Variants in ELFN1 observed in about 807,000 individuals in gnomAD.
ELFN1 encodes the protein protein ELFN1.
A neutral mutation model predicts 7.6 loss-of-function variants in ELFN1; 6 were observed. The observed-to-expected ratio is 0.79, with a 90% CI of 0.43 to 1.56. The LOEUF (loss-of-function observed/expected upper bound fraction) is 1.56. Ranked by LOEUF, ELFN1 falls within the 40% of genes most tolerant of loss-of-function variation. ELFN1 has a pLI of 0.01. For missense variants in ELFN1, 1,169 were observed against 1,232.2 expected (o/e 0.95, Z 0.77); for synonymous variants, 657 against 588.1 (o/e 1.12, Z -1.70).
intron 3 of ELFN1, among the ~76,000 whole-genome samples, chr7:1,719,367 A>C: frequency 7.0e-6 from 1 of 141,964 alleles, no homozygotes; most frequent in East Asian, 2.1e-4. Flanking sequence ...GCCCACCAAC[A>C]GGACCCAAGC....
In ELFN1 at chr7:1,744,118, GA is replaced by G. The variant is rs146540876; in HGVS notation, c.-293-185del. On this transcript the variant is annotated intron_variant, in intron 3 of 3. Transcript: ENST00000424383. ...CCTCCGCTATCCTGACCTGTCTCAGGACCCCCCAGGGGCTTCTGAGGAAGGA... is the reference window on the plus strand; with the variant it reads ...CCTCCGCTATCCTGACCTGTCTCAGGCCCCCCAGGGGCTTCTGAGGAAGGA... 2.6e-3 allele frequency among the ~76,000 whole-genome samples: 403 copies of G among 152,280 alleles called. 4 individuals are homozygous for G. Among genetic ancestry groups the G allele is most frequent in the African/African-American group, 9.3e-3 (387 of 41,564 alleles).
chr7:1,677,577 C>G lies in ELFN1; in HGVS notation c.-549+7223C>G, dbSNP rs140437354. ...GTGTCTGAATATGGGAGTGTGCACACACGTGCATGAACTCACGTGTGTGTA... is the reference window on the plus strand; with the variant it reads ...GTGTCTGAATATGGGAGTGTGCACAGACGTGCATGAACTCACGTGTGTGTA... On this transcript the variant is annotated intron_variant, in intron 1 of 3. Coordinates refer to ENST00000424383, the MANE Select transcript of ELFN1 (RefSeq NM_001128636.4). Among the ~76,000 whole-genome samples the G allele has an allele frequency of 3.3e-3, 497 of 152,198 alleles. 3 individuals carry two copies. Among genetic ancestry groups the G allele is most frequent in the African/African-American group, 0.011 (459 of 41,506 alleles).
chr7:1,718,825 G>A (rs115838016), intron 3 of ELFN1, among the ~76,000 whole-genome samples: 3,434 of 152,242 alleles, frequency 0.023, 139 homozygotes, highest in African/African-American at 0.079. Context: ...ATTGGTTTGT[G>A]GACCTCAGCT....
At chr7:1,698,351 T>G (rs1395586318) in intron 2 of ELFN1, among the ~76,000 whole-genome samples, 3 of 152,254 alleles carry the variant, frequency 2.0e-5, no homozygotes, top group East Asian at 1.9e-4. Context: ...CGTTGCACCC[T>G]CGGTGCTCCC....
chr7:1,729,677 G>C (rs1037125680), intron 3 of ELFN1, among the ~76,000 whole-genome samples: 1 of 152,172 alleles, frequency 6.6e-6, no homozygotes, highest in Non-Finnish European at 1.5e-5. Context: ...TCAGCAGGGG[G>C]TGTCAAGGTC....
intron 2 of ELFN1, among the ~76,000 whole-genome samples, chr7:1,707,461 C>T (rs749566412): frequency 6.6e-6 from 1 of 152,354 alleles, no homozygotes; most frequent in Admixed American, 6.5e-5. Context: ...AGCATCTGCC[C>T]TCCCAGCGCG....
intron 1 of ELFN1, among the ~76,000 whole-genome samples, chr7:1,685,249 C>G (rs1008689629): frequency 6.6e-4 from 100 of 152,122 alleles, no homozygotes; most frequent in Admixed American, 5.6e-3. Context: ...CTTTATTTGT[C>G]TTTCAACAGT....
In ELFN1 at chr7:1,745,520, G is replaced by A. The variant is rs746104771; in HGVS notation, c.924G>A (p.Thr308=). Residue 308 remains threonine (T), a synonymous_variant, in exon 4 of 4, where the codon ACG becomes ACA. Coordinates refer to ENST00000424383, the MANE Select transcript of ELFN1 (RefSeq NM_001128636.4). ...CCACGCCACTGGTGGCCCTGCCCAC[G>A]CTGGCCACGCAGGCCGAGGCCCGCC... ...DGTTPLVALP[T]LATQAEARPL... is the part of the protein sequence containing the mutation. 34 of 1,546,116 alleles carry A rather than the reference G, an allele frequency of 2.2e-5. No individual in the cohort carries two copies. The East Asian group carries it at 5.9e-4, about 27-fold the overall frequency.
Position 1,705,858 on chromosome 7 carries a change from G to T in ELFN1, c.-455-3233G>T, listed in dbSNP as rs1036044280. ...AACTGCCTGTGTATTTTCCAGGGTG[G>T]GTTCTTAGCTTTGACCCCTCCAGCC... On this transcript the variant is annotated intron_variant, in intron 2 of 3. Transcript: ENST00000424383. This position sits in a 1 kb window ranked among gnomAD's most constrained non-coding sequence, Gnocchi z 4.3. Among the ~76,000 whole-genome samples the T allele has an allele frequency of 6.6e-6, 1 of 152,176 alleles. No individual in the cohort carries two copies. The highest frequency in any genetic ancestry group is 1.5e-5 in the Non-Finnish European group (1 of 68,042).
chr7:1,713,960 C>T (rs568783885), intron 3 of ELFN1, among the ~76,000 whole-genome samples: 29 of 152,154 alleles, frequency 1.9e-4, no homozygotes, highest in Admixed American at 4.6e-4. Context: ...CATGTTGAGC[C>T]GCCGTCCAGA....
Position 1,744,096 on chromosome 7 carries a change from C to A in ELFN1, c.-293-208C>A, listed in dbSNP as rs140197393. 2.5e-3 allele frequency among the ~76,000 whole-genome samples: 385 copies of A among 152,306 alleles called. 1 individual carries two copies. The highest frequency in any genetic ancestry group is 4.6e-3 in the Non-Finnish European group (316 of 68,022). On this transcript the variant is annotated intron_variant, in intron 3 of 3. Transcript: ENST00000424383. Reference sequence around the variant, plus strand: ...TCCACGGGAGGGTGAAGCATTTCCTCCGCTATCCTGACCTGTCTCAGGACC... The same window carrying A: ...TCCACGGGAGGGTGAAGCATTTCCTACGCTATCCTGACCTGTCTCAGGACC...
intron 1 of ELFN1, among the ~76,000 whole-genome samples, chr7:1,671,679 A>G (rs1008159913): frequency 5.3e-5 from 8 of 152,244 alleles, no homozygotes; most frequent in Admixed American, 5.2e-4. Flanking sequence ...AAAAGCATCA[A>G]CATGCTCCTC....
upstream of ELFN1, among the ~76,000 whole-genome samples, chr7:1,669,937 C>T (rs922113189): frequency 6.1e-5 from 9 of 147,062 alleles, no homozygotes; most frequent in Admixed American, 5.5e-4. Context: ...CGCGAGGACG[C>T]CCCCTGCGCT....
At chr7:1,718,340 C>A (rs187831984) in intron 3 of ELFN1, among the ~76,000 whole-genome samples, 1 of 152,344 alleles carries the variant, frequency 6.6e-6, no homozygotes, top group East Asian at 1.9e-4. Context: ...CTTGGCCACT[C>A]ATTCCTCTGG....
At position 1,744,953 on chromosome 7, in the gene ELFN1, G is replaced by T. The variant is rs2128605810; in HGVS notation, c.357G>T (p.Arg119=). The stretch of plus-strand genomic sequence containing the variant: ...AGGTGCTGCAGCTGGGCTACAACCG[G>T]CTGCGCAACCTCACGGAGGGCATGC... ...NLQVLQLGYN[R]LRNLTEGMLR... Residue 119 remains arginine (R), a synonymous_variant, in exon 4 of 4, where the codon CGG becomes CGT. Coordinates refer to ENST00000424383, the MANE Select transcript of ELFN1 (RefSeq NM_001128636.4). 1 of 1,551,516 alleles carries T rather than the reference G, an allele frequency of 6.4e-7. No homozygotes were observed. The highest frequency in any genetic ancestry group is 8.7e-7 in the Non-Finnish European group (1 of 1,147,088).
chr7:1,731,160 G>T (rs1780317945), intron 3 of ELFN1, among the ~76,000 whole-genome samples: 1 of 152,142 alleles, frequency 6.6e-6, no homozygotes, highest in African/African-American at 2.4e-5. Flanking sequence ...TATCCTGAGA[G>T]ATATCAAAGA....
intron 3 of ELFN1, among the ~76,000 whole-genome samples, chr7:1,725,602 G>A (rs776383066): frequency 2.6e-5 from 4 of 152,198 alleles, no homozygotes; most frequent in Non-Finnish European, 4.4e-5. Context: ...CAGTGTTGTC[G>A]GCTTCACCGA....
chr7:1,695,747 C>CAA lies in ELFN1; in HGVS notation c.-456+7621_-456+7622dup, dbSNP rs34132549. On this transcript the variant is annotated intron_variant, in intron 2 of 3. Transcript: ENST00000424383. The surrounding 1 kb of genome is among the most constrained non-coding windows in gnomAD (Gnocchi z 5.1). ...TGGGTGACAGAGCGAGACTCCGTGTCAAAAAAAAAAAAAAAAAAAAAAAAA... is the reference window on the plus strand; with the variant it reads ...TGGGTGACAGAGCGAGACTCCGTGTCAAAAAAAAAAAAAAAAAAAAAAAAAAA... 0.047 allele frequency among the ~76,000 whole-genome samples: 2,749 copies of CAA among 58,178 alleles called. 210 individuals are homozygous for CAA. The highest frequency in any genetic ancestry group is 0.12 in the African/African-American group (1,729 of 14,834). The allele number at this position is 58,178 out of a possible 152,430, so 38.2% of individuals were successfully genotyped here. A position where few individuals can be genotyped will look rare whatever the true frequency, so the allele number is the denominator to read the frequency against.
intron 3 of ELFN1, among the ~76,000 whole-genome samples, chr7:1,719,154 G>A (rs1779928299): frequency 1.5e-5 from 2 of 134,020 alleles, no homozygotes; most frequent in South Asian, 2.4e-4. Context: ...CACCAACAGG[G>A]CCCCGCCCAC....
Sources: allele counts gnomAD v4.1 joint callset (sites outside exome capture counted in the v4.1 genomes callset), GRCh38; gene constraint gnomAD v4.1.1; non-coding constraint Gnocchi (gnomAD v3.1); transcripts MANE v1.5; gene names NCBI Gene and HGNC (gene_info 2026-07-23, HGNC 2026-07-21).